The following CAB39L variants were observed in gnomAD, a reference collection of about 807,000 sequenced individuals.
The protein encoded by CAB39L is calcium-binding protein 39-like.
A neutral mutation model predicts 39.1 loss-of-function variants in CAB39L; 23 were observed. The observed-to-expected ratio is 0.59, with a 90% CI of 0.42 to 0.83. CAB39L has a LOEUF of 0.83. Ranked by LOEUF, CAB39L falls within the 40% of genes least tolerant of loss-of-function variation. The pLI is 0.00. For synonymous variants in CAB39L, 126 were observed against 137.2 expected, an observed-to-expected ratio of 0.92 and a Z score of 0.57; for missense variants, 366 against 391.9, an observed-to-expected ratio of 0.93 and a Z score of 0.56.
At chr13:49,442,302 TTTG>T (rs1389956136) in intron 1 of CAB39L, among the ~76,000 whole-genome samples, 4 of 152,216 alleles carry the variant, frequency 2.6e-5, no homozygotes, top group Non-Finnish European at 5.9e-5. Context: ...CCATTAGATA[TTTG>T]TTATTTCCAA....
In CAB39L at chr13:49,359,762, A is replaced by G. The variant is rs1201901933; in HGVS notation, c.347T>C (p.Val116Ala). 1 of 1,612,846 alleles carries G rather than the reference A, an allele frequency of 6.2e-7. No individual in the cohort carries two copies. The highest frequency in any genetic ancestry group is 2.2e-5 in the East Asian group (1 of 44,866). ...ATGAGGATGAGCACTAATATACTCC[A>G]CAGTAGGACTCCGAGTGCCTATCTG... Reference protein sequence around the residue: ...RRQIGTRSPTVEYISAHPHIL... With the variant: ...RRQIGTRSPTAEYISAHPHIL... Residue 116 changes from valine (V) to alanine (A), a missense_variant, in exon 6 of 11, where the codon GTG becomes GCG. Val to Ala is a moderately conservative substitution (Grantham distance 64). Coordinates refer to ENST00000409308, the MANE Select transcript of CAB39L (RefSeq NM_001079670.3).
chr13:49,386,840 C>T (rs1956373049), intron 3 of CAB39L, among the ~76,000 whole-genome samples: 1 of 151,862 alleles, frequency 6.6e-6, no homozygotes, highest in Admixed American at 6.6e-5. Context: ...CTCCCCCACT[C>T]CCAGACTAAA....
At chr13:49,339,601 A>G in intron 9 of CAB39L, 76 bp downstream of exon 9, 2 of 1,370,672 alleles carry the variant, frequency 1.5e-6, no homozygotes, top group Non-Finnish European at 1.9e-6. Flanking sequence ...GTGTTTACTC[A>G]TATACTAATA....
chr13:49,334,844 A>G (rs1408661587), intron 9 of CAB39L, among the ~76,000 whole-genome samples: 1 of 152,208 alleles, frequency 6.6e-6, no homozygotes, highest in East Asian at 1.9e-4. Context: ...GATGAAGGGT[A>G]ACCTGTCCAC....
chr13:49,317,065 A>T (rs1954178319), intron 10 of CAB39L, among the ~76,000 whole-genome samples: 1 of 152,060 alleles, frequency 6.6e-6, no homozygotes, highest in African/African-American at 2.4e-5. Flanking sequence ...TGGCCTCCAG[A>T]ACTGTGTTTT....
At chr13:49,319,894 C>T (rs1326780274) in intron 10 of CAB39L, among the ~76,000 whole-genome samples, 1 of 147,324 alleles carries the variant, frequency 6.8e-6, no homozygotes, top group East Asian at 2.0e-4. Flanking sequence ...AAATAATAGA[C>T]AAACTGATGT....
At chr13:49,400,795 G>C (rs989680899) in intron 3 of CAB39L, among the ~76,000 whole-genome samples, 1 of 152,028 alleles carries the variant, frequency 6.6e-6, no homozygotes, top group Non-Finnish European at 1.5e-5. Context: ...TAATTTTCAT[G>C]CAGTTGAAAG....
chr13:49,354,833 C>T (rs1955444676), intron 6 of CAB39L, among the ~76,000 whole-genome samples: 1 of 152,146 alleles, frequency 6.6e-6, no homozygotes, highest in Non-Finnish European at 1.5e-5. Context: ...ATGGTCTCAG[C>T]TGGCAGTGAG....
intron 9 of CAB39L, among the ~76,000 whole-genome samples, chr13:49,332,924 C>T (rs1334128857): frequency 6.6e-6 from 1 of 151,948 alleles, no homozygotes; most frequent in African/African-American, 2.4e-5. Flanking sequence ...GTCCTATTTA[C>T]TGGACTTTTT....
At chr13:49,442,787 C>CAAAAAAAAAAAAAAAAAAA (rs71078844) in intron 1 of CAB39L, among the ~76,000 whole-genome samples, 5 of 103,686 alleles carry the variant, frequency 4.8e-5, no homozygotes, top group Non-Finnish European at 5.3e-5. Context: ...GACTCCATCT[C>CAAAAAAAAAAAAAAAAAAA]AAAAAAAAAA....
chr13:49,326,878 T>C (rs1185239184), intron 10 of CAB39L, among the ~76,000 whole-genome samples: 1 of 152,192 alleles, frequency 6.6e-6, no homozygotes, highest in African/African-American at 2.4e-5. Context: ...TTGAACAAAA[T>C]TATATGAAGT....
chr13:49,372,204 C>T (rs919114223), intron 5 of CAB39L, among the ~76,000 whole-genome samples: 1 of 152,160 alleles, frequency 6.6e-6, no homozygotes, highest in African/African-American at 2.4e-5. Context: ...AATCAGAAGC[C>T]TTGCAAACTC....
In CAB39L at chr13:49,426,575, T is replaced by C. The variant is rs534116587; in HGVS notation, c.-32+6743A>G. On this transcript the variant is annotated intron_variant, in intron 3 of 10. Coordinates refer to ENST00000409308, the MANE Select transcript of CAB39L (RefSeq NM_001079670.3). The stretch of plus-strand genomic sequence containing the variant: ...CTGAGTAGCTGGGACTACAGGCGCC[T>C]GCCACCACACCCGGCTAATTTTTAT... Among the ~76,000 whole-genome samples, 43 of 152,206 alleles carry C rather than the reference T, an allele frequency of 2.8e-4. No homozygotes were observed. In the South Asian group the frequency reaches 5.2e-3, roughly 18 times the overall value.
intron 3 of CAB39L, among the ~76,000 whole-genome samples, chr13:49,424,726 A>G (rs1403756107): frequency 4.6e-5 from 7 of 152,218 alleles, no homozygotes; most frequent in Admixed American, 4.6e-4. Context: ...TTAAAACTTG[A>G]GAATTAACTT....
chr13:49,436,952 G>A (rs529763267), intron 1 of CAB39L, among the ~76,000 whole-genome samples: 2 of 150,148 alleles, frequency 1.3e-5, no homozygotes, highest in South Asian at 2.1e-4. Context: ...CTTATTTTTT[G>A]TAGAGACTAG....
intron 10 of CAB39L, among the ~76,000 whole-genome samples, chr13:49,331,266 C>A (rs1954685234): frequency 6.6e-6 from 1 of 151,922 alleles, no homozygotes; most frequent in Non-Finnish European, 1.5e-5. Context: ...GAGATCAAGA[C>A]CACCCTGGCT....
chr13:49,364,237 G>C (rs1254496796), intron 5 of CAB39L, among the ~76,000 whole-genome samples: 1 of 152,142 alleles, frequency 6.6e-6, no homozygotes, highest in Non-Finnish European at 1.5e-5. Flanking sequence ...TCTTAGACCT[G>C]GGACATGATA....
Position 49,359,833 on chromosome 13 carries a change from C to A in CAB39L, c.277-1G>T. ...ATATCTGGGTCACATCTTTTTTTCC[C>A]TGTTAAAGAAACAAACAGAAATTAA... On this transcript the variant is annotated splice_acceptor_variant, in intron 5 of 10. Coordinates refer to ENST00000409308, the MANE Select transcript of CAB39L (RefSeq NM_001079670.3). LOFTEE classifies it high-confidence loss of function. The A allele has an allele frequency of 6.4e-7, 1 of 1,574,320 alleles. No homozygotes were observed. The highest frequency in any genetic ancestry group is 8.7e-7 in the Non-Finnish European group (1 of 1,145,114).
At chr13:49,403,016 G>A (rs1321082368) in intron 3 of CAB39L, among the ~76,000 whole-genome samples, 2 of 152,128 alleles carry the variant, frequency 1.3e-5, no homozygotes, top group Non-Finnish European at 2.9e-5. Context: ...ATTTATAAAA[G>A]TGGTTCTTAG....
Sources: gnomAD v4.1 joint callset for allele counts (sites outside exome capture counted in the v4.1 genomes callset) on GRCh38, gnomAD v4.1.1 for gene constraint, MANE v1.5 for transcripts, NCBI Gene and HGNC (gene_info 2026-07-23, HGNC 2026-07-21) for gene names.